Variants in ALAD observed in about 807,000 individuals in gnomAD.
The protein encoded by ALAD is delta-aminolevulinic acid dehydratase.
ALAD carries 20 observed loss-of-function variants against 44.4 expected under a neutral mutation model. The ratio of observed to expected loss-of-function variants is 0.45; its 90% CI spans 0.32 to 0.65. The LOEUF (loss-of-function observed/expected upper bound fraction) is 0.65. Among genes scored for constraint, ALAD ranks in the 30% least tolerant of loss-of-function variants. The pLI is 0.05. For synonymous variants in ALAD, 156 were observed against 167.9 expected (o/e 0.93, Z 0.55); for missense variants, 323 against 445.7 (o/e 0.72, Z 2.48).
In ALAD at chr9:113,390,397, G is replaced by A; in HGVS notation, c.570+8C>T. The A allele has an allele frequency of 6.2e-7, 1 of 1,613,686 alleles. No homozygotes were observed. Among genetic ancestry groups the A allele is most frequent in the Non-Finnish European group, 8.5e-7 (1 of 1,179,824 alleles). Reference sequence around the variant, plus strand: ...CTGCCAGCCCTGTGCTGCATTCCCTGCCCTTACCCTGTTGCCAAGTCCATG... The same window carrying A: ...CTGCCAGCCCTGTGCTGCATTCCCTACCCTTACCCTGTTGCCAAGTCCATG... On this transcript the variant is annotated splice_region_variant and intron_variant, in intron 7 of 11. Coordinates refer to ENST00000409155, the MANE Select transcript of ALAD (RefSeq NM_000031.6).
intron 2 of ALAD, chr9:113,393,156 C>A (rs1046354113): frequency 4.4e-6 from 2 of 453,740 alleles, no homozygotes; most frequent in Non-Finnish European, 8.2e-6. Flanking sequence ...TAGCACTTTA[C>A]AATGTACAGA....
intron 2 of ALAD, among the ~76,000 whole-genome samples, chr9:113,392,949 CTGGGACTA>C (rs1827635520): frequency 6.6e-6 from 1 of 151,744 alleles, no homozygotes; most frequent in African/African-American, 2.4e-5. Flanking sequence ...TCCCAAGTAG[CTGGGACTA>C]CAGGCACCCG....
Sources: gnomAD v4.1 joint callset for allele counts (sites outside exome capture counted in the v4.1 genomes callset) on GRCh38, gnomAD v4.1.1 for gene constraint, MANE v1.5 for transcripts, NCBI Gene and HGNC (gene_info 2026-07-23, HGNC 2026-07-21) for gene names.